IGSF23: variants seen among roughly 807,000 people sequenced by gnomAD.
IGSF23 encodes immunoglobulin superfamily member 23.
IGSF23 carries 14 observed loss-of-function variants against 17.8 expected under a neutral mutation model. The observed-to-expected ratio is 0.79, with a 90% CI of 0.52 to 1.23. The LOEUF (loss-of-function observed/expected upper bound fraction) is 1.23. Among genes scored for constraint, IGSF23 ranks in the 50% most tolerant of loss-of-function variants. The probability of loss-of-function intolerance (pLI) is 0.00; values close to 1 mark genes in which losing one functional copy is unlikely to be tolerated. For synonymous variants in IGSF23, 85 were observed against 92.5 expected (o/e 0.92, Z 0.46); for missense variants, 214 against 241.7 (o/e 0.89, Z 0.76).
At chr19:44,618,418 T>A (rs1396642137) in intron 1 of IGSF23, among the ~76,000 whole-genome samples, 1 of 151,680 alleles carries the variant, frequency 6.6e-6, no homozygotes, top group Non-Finnish European at 1.5e-5. Flanking sequence ...ATGTCAAGAG[T>A]GAGTGGGGCC....
intron 3 of IGSF23, 37 bp from the exon 4 acceptor site, chr19:44,635,364 C>CTCTCTCTCTCTG: frequency 6.8e-7 from 1 of 1,462,738 alleles, no homozygotes; most frequent in Non-Finnish European, 9.3e-7. Flanking sequence ...CTCTCTCTCT[C>CTCTCTCTCTCTG]TCTCTCTCTC....
intron 3 of IGSF23, among the ~76,000 whole-genome samples, chr19:44,631,112 G>C (rs925439444): frequency 6.9e-6 from 1 of 144,044 alleles, no homozygotes; most frequent in Non-Finnish European, 1.5e-5. Context: ...AAAAGGAAAA[G>C]AAAAATTCAC....
chr19:44,618,371 A>G (rs62118220), intron 1 of IGSF23, among the ~76,000 whole-genome samples: 26,332 of 151,938 alleles, frequency 0.17, 2,447 homozygotes, highest in Middle Eastern at 0.33. Context: ...CGTGCTGGAA[A>G]CCAGCAGGGG....
intron 4 of IGSF23, 85 bp downstream of exon 4, chr19:44,635,550 C>T (rs1972872737): frequency 2.2e-6 from 2 of 902,870 alleles, no homozygotes; most frequent in Non-Finnish European, 1.7e-6. Context: ...GTGATTTCCT[C>T]CCTCCTGGTT....
chr19:44,633,695 C>T (rs190242193), intron 3 of IGSF23, among the ~76,000 whole-genome samples: 41 of 152,216 alleles, frequency 2.7e-4, no homozygotes, highest in African/African-American at 8.9e-4. Flanking sequence ...TTGAAATGTC[C>T]GCTCCTGTAT....
chr19:44,631,264 C>G (rs906153436), intron 3 of IGSF23, among the ~76,000 whole-genome samples: 3 of 151,456 alleles, frequency 2.0e-5, no homozygotes, highest in African/African-American at 7.3e-5. Context: ...GAGACTCTGT[C>G]TCAATAAACA....
At chr19:44,626,164 G>T (rs1972642616) in intron 2 of IGSF23, among the ~76,000 whole-genome samples, 1 of 152,162 alleles carries the variant, frequency 6.6e-6, no homozygotes, top group South Asian at 2.1e-4. Context: ...ATGAGTCAAG[G>T]TTCAGAGCTG....
chr19:44,634,832 C>T (rs1035383655), intron 3 of IGSF23, among the ~76,000 whole-genome samples: 2 of 151,206 alleles, frequency 1.3e-5, no homozygotes, highest in Admixed American at 1.3e-4. Flanking sequence ...AAAAAAAAAC[C>T]CAGGGATGTG....
At chr19:44,632,214 AC>A (rs1351339647) in intron 3 of IGSF23, 3 of 286,466 alleles carry the variant, frequency 1.0e-5, no homozygotes, top group Non-Finnish European at 2.0e-5. Flanking sequence ...ATCAGAAAGC[AC>A]ATGTAACTGT....
intron 1 of IGSF23, among the ~76,000 whole-genome samples, chr19:44,623,393 G>A (rs1159680881): frequency 6.6e-6 from 1 of 152,218 alleles, no homozygotes; most frequent in Non-Finnish European, 1.5e-5. Context: ...TCCTGGCATT[G>A]TGGAGGGCTG....
intron 1 of IGSF23, chr19:44,618,248 A>G (rs1972431530): frequency 1.1e-5 from 5 of 468,254 alleles, no homozygotes; most frequent in Admixed American, 9.4e-5. Flanking sequence ...CAGCCATGAT[A>G]TTCTCCCCGA....
At chr19:44,622,335 G>T (rs1238679831) in intron 1 of IGSF23, among the ~76,000 whole-genome samples, 2 of 152,080 alleles carry the variant, frequency 1.3e-5, no homozygotes, top group African/African-American at 4.8e-5. Context: ...CTTTCATGAG[G>T]TCTCTGGTTG....
chr19:44,616,423 C>T (rs898185746), intron 1 of IGSF23, among the ~76,000 whole-genome samples: 2 of 152,198 alleles, frequency 1.3e-5, no homozygotes, highest in African/African-American at 4.8e-5. Flanking sequence ...AACAGCCAGG[C>T]GTGGTGGCTC....
At chr19:44,622,411 C>T (rs1314330291) in intron 1 of IGSF23, among the ~76,000 whole-genome samples, 1 of 152,142 alleles carries the variant, frequency 6.6e-6, no homozygotes, top group Non-Finnish European at 1.5e-5. Flanking sequence ...TGGAAGTTCC[C>T]AGCACAGTCT....
At chr19:44,628,330 C>A (rs576199289) in intron 3 of IGSF23, among the ~76,000 whole-genome samples, 13 of 152,270 alleles carry the variant, frequency 8.5e-5, no homozygotes, top group Non-Finnish European at 1.8e-4. Flanking sequence ...TCTGCAGTGA[C>A]CGCTCTGTGC....
At chr19:44,636,076 C>T (rs1396152883) in intron 4 of IGSF23, among the ~76,000 whole-genome samples, 3 of 152,194 alleles carry the variant, frequency 2.0e-5, no homozygotes, top group Non-Finnish European at 4.4e-5. Flanking sequence ...GTGACCCAAG[C>T]TTGTTCACAT....
rs140497181 is a variant in IGSF23 at position 44,619,257 on chromosome 19, C to A, written c.126-4450C>A. ...GGGATCCGCCCCTGTGGCCCAAACA[C>A]CTTTACTGAGGCCCCACCACCAACA... On this transcript the variant is annotated intron_variant, in intron 1 of 4. Transcript: ENST00000402988. Among the ~76,000 whole-genome samples the A allele has an allele frequency of 2.5e-3, 385 of 152,306 alleles. 2 individuals are homozygous for A. The highest frequency in any genetic ancestry group is 8.6e-3 in the African/African-American group (356 of 41,562).
In IGSF23 at chr19:44,627,431, C is replaced by G; in HGVS notation, c.403C>G (p.Gln135Glu). The G allele has an allele frequency of 6.5e-7, 1 of 1,539,564 alleles. No individual in the cohort carries two copies. Residue 135 changes from glutamine (Q) to glutamate (E), a missense_variant, in exon 3 of 5, where the codon CAG becomes GAG. Gln to Glu is a conservative substitution (Grantham distance 29). Coordinates refer to ENST00000402988, the MANE Select transcript of IGSF23 (RefSeq NM_001205280.2). ...TCCTTGGTCCCCAGAACCCATCATG[C>G]AGCCCACAGAAGCAGAGCCCATGGA... The part of the protein sequence containing the change: ...VTISLPKPIM[Q>E]PTEAEPMEPD...
At chr19:44,635,327 T>C in intron 3 of IGSF23, 74 bp from the exon 4 acceptor site, 1 of 1,189,796 alleles carries the variant, frequency 8.4e-7, no homozygotes, top group Admixed American at 2.1e-5. Context: ...GAACGGATAA[T>C]AATTCAGTCG....
Sources: gnomAD v4.1 joint callset for allele counts (sites outside exome capture counted in the v4.1 genomes callset) on GRCh38, gnomAD v4.1.1 for gene constraint, MANE v1.5 for transcripts, NCBI Gene and HGNC (gene_info 2026-07-23, HGNC 2026-07-21) for gene names.